Variants in LRIG3 observed in about 807,000 individuals in gnomAD.
LRIG3 encodes leucine-rich repeats and immunoglobulin-like domains protein 3.
In LRIG3, 76 loss-of-function variants were observed where a neutral mutation model predicts 114.5. That is an observed-to-expected ratio of 0.66 (90% CI 0.55 to 0.80). LRIG3 has a LOEUF of 0.80. Among genes scored for constraint, LRIG3 ranks in the 30% least tolerant of loss-of-function variants. The pLI is 0.00. For synonymous variants in LRIG3, 512 were observed against 519.8 expected (o/e 0.98, Z 0.20); for missense variants, 1,239 against 1,382.8 (o/e 0.90, Z 1.65).
At position 58,880,524 on chromosome 12, in the gene LRIG3, T is replaced by C. The variant is rs148745044; in HGVS notation, c.1801+57A>G. 2.6e-4 allele frequency: 396 copies of C among 1,530,424 alleles called. 1 individual carries two copies. The African/African-American group carries it at 4.8e-3, about 18-fold the overall frequency. 94.8% of individuals were successfully genotyped at this position (1,530,424 alleles called of 1,614,324 possible). On this transcript the variant is annotated intron_variant, in intron 13 of 18. Coordinates refer to ENST00000320743, the MANE Select transcript of LRIG3 (RefSeq NM_153377.5). The stretch of plus-strand genomic sequence containing the variant: ...GTTAAGATTAAGAGAGAAAAACAGG[T>C]GCTTTCTATTTCTAAAAGGTATCTT...
intron 11 of LRIG3, 42 bp downstream of exon 11, chr12:58,883,478 C>G (rs1871180062): frequency 7.0e-7 from 1 of 1,421,932 alleles, no homozygotes; most frequent in Admixed American, 1.8e-5. Flanking sequence ...ACAGTTTTCC[C>G]CTCTATACTT....
chr12:58,888,096 A>C (rs1211066780), intron 7 of LRIG3, among the ~76,000 whole-genome samples, 164 bp from the exon 8 acceptor site: 2 of 152,228 alleles, frequency 1.3e-5, no homozygotes, highest in Non-Finnish European at 2.9e-5. Flanking sequence ...TTAAAAAAAT[A>C]CGTTCTCTTT....
At chr12:58,892,290 C>T (rs951848321) in intron 3 of LRIG3, among the ~76,000 whole-genome samples, 2 of 152,110 alleles carry the variant, frequency 1.3e-5, no homozygotes, top group African/African-American at 2.4e-5. Context: ...CTCTTTACAA[C>T]GCGAGAAACA....
chr12:58,889,059 T>C (rs1871368431), intron 5 of LRIG3, 97 bp from the exon 6 acceptor site: 5 of 1,161,688 alleles, frequency 4.3e-6, no homozygotes, highest in Non-Finnish European at 6.0e-6. Context: ...AACCAGTCAG[T>C]GTTCAATTAC....
At chr12:58,919,898 G>C (rs1872606882) in intron 1 of LRIG3, 102 bp downstream of exon 1, 1 of 1,189,798 alleles carries the variant, frequency 8.4e-7, no homozygotes, top group Non-Finnish European at 1.2e-6. Context: ...GGAGCTATAC[G>C]GCAAAAAGGG....
intron 4 of LRIG3, 56 bp downstream of exon 4, chr12:58,890,609 T>C (rs1833341736): frequency 6.8e-7 from 1 of 1,466,262 alleles, no homozygotes; most frequent in South Asian, 1.4e-5. Context: ...TCTTATTTTT[T>C]CATTGTAATA....
At chr12:58,875,808 G>A (rs1870896364) in intron 16 of LRIG3, among the ~76,000 whole-genome samples, 1 of 152,250 alleles carries the variant, frequency 6.6e-6, no homozygotes, top group African/African-American at 2.4e-5. Flanking sequence ...GGGAGGCTGA[G>A]GCAGGCAGAT....
chr12:58,915,862 A>G (rs1446004916), intron 1 of LRIG3, among the ~76,000 whole-genome samples: 1 of 152,124 alleles, frequency 6.6e-6, no homozygotes, highest in Non-Finnish European at 1.5e-5. Flanking sequence ...ACAGTCACAG[A>G]TTTCCCACAT....
chr12:58,890,813 C>G lies in LRIG3; in HGVS notation c.384-17G>C. ...TTTCCAGCCCTAGAATTAAAAGAAA[C>G]CACAGTTAACAAGGTTAACGGTACA... On this transcript the variant is annotated splice_polypyrimidine_tract_variant and intron_variant, in intron 3 of 18. Transcript: ENST00000320743. The G allele has an allele frequency of 6.3e-7, 1 of 1,593,836 alleles. No homozygotes were observed. Among genetic ancestry groups the G allele is most frequent in the Non-Finnish European group, 8.5e-7 (1 of 1,173,054 alleles).
chr12:58,912,507 AG>A (rs1481527129), intron 3 of LRIG3, among the ~76,000 whole-genome samples: 1 of 152,040 alleles, frequency 6.6e-6, no homozygotes, highest in Non-Finnish European at 1.5e-5. Context: ...AAAAAAAAAA[AG>A]TATAAAACAC....
rs1255746855 is a variant in LRIG3 at position 58,872,667 on chromosome 12, T to A, written c.3265A>T (p.Thr1089Ser). The A allele has an allele frequency of 6.2e-7, 1 of 1,614,146 alleles. No individual in the cohort carries two copies. The highest frequency in any genetic ancestry group is 8.5e-7 in the Non-Finnish European group (1 of 1,179,996). ...ATGTGATTTTCTTCCTGAAAATCTG[T>A]CCTTTCTTTCCCATCTTCCTCTGAC... ...SGSEEDGKER[T>S]DFQEENHICT... Residue 1089 changes from threonine (T) to serine (S), a missense_variant, in exon 19 of 19, where the codon ACA becomes TCA. Coordinates refer to ENST00000320743, the MANE Select transcript of LRIG3 (RefSeq NM_153377.5).
Position 58,914,303 on chromosome 12 carries a change from C to T in LRIG3, c.270G>A (p.Lys90=), listed in dbSNP as rs1872397061. The stretch of plus-strand genomic sequence containing the variant: ...TTTGAAGGTGGCTCATGGAACTTGC[C>T]TTGATGAAAGATAATCTGTTGTGAC... ...DLSHNRLSFI[K]ASSMSHLQSL... Residue 90 remains lysine (K), a synonymous_variant, in exon 2 of 19, where the codon AAG becomes AAA. Coordinates refer to ENST00000320743, the MANE Select transcript of LRIG3 (RefSeq NM_153377.5). 1 of 1,613,912 alleles carries T rather than the reference C, an allele frequency of 6.2e-7. No individual in the cohort carries two copies.
At chr12:58,892,182 A>G (rs548609465) in intron 3 of LRIG3, among the ~76,000 whole-genome samples, 1 of 152,348 alleles carries the variant, frequency 6.6e-6, no homozygotes, top group East Asian at 1.9e-4. Context: ...CATAATTGTC[A>G]TATTAGATCA....
intron 14 of LRIG3, among the ~76,000 whole-genome samples, 185 bp downstream of exon 14, chr12:58,878,639 G>A (rs1406312465): frequency 6.6e-6 from 1 of 152,196 alleles, no homozygotes; most frequent in East Asian, 1.9e-4. Context: ...CCAGACTTGA[G>A]GATGTCATGC....
chr12:58,920,018 G>C lies in LRIG3; in HGVS notation c.218C>G (p.Pro73Arg). Residue 73 changes from proline (P) to arginine (R), a missense_variant, in exon 1 of 19, where the codon CCG becomes CGG. Physicochemically the swap from Pro to Arg is moderately radical, Grantham distance 103. Transcript: ENST00000320743. ...TACTTACAGCCGAGCGACCCAGGACGGGAGTGGCTCGGGAAGACGCGCTAG... is the reference window on the plus strand; with the variant it reads ...TACTTACAGCCGAGCGACCCAGGACCGGAGTGGCTCGGGAAGACGCGCTAG... ...KRLARLPEPL[P>R]SWVARLDLSH... 3 of 1,554,300 alleles carry C rather than the reference G, an allele frequency of 1.9e-6. No homozygotes were observed. The highest frequency in any genetic ancestry group is 1.2e-5 in the South Asian group (1 of 84,460).
chr12:58,888,200 T>C (rs1190594176), intron 7 of LRIG3, 129 bp downstream of exon 7: 2 of 1,130,240 alleles, frequency 1.8e-6, no homozygotes, highest in East Asian at 2.5e-5. Context: ...TAAGACTAGG[T>C]TGCATGTGAA....
In LRIG3 at chr12:58,872,460, T is replaced by G; in HGVS notation, c.*112A>C. The G allele has an allele frequency of 7.9e-7, 1 of 1,264,354 alleles. No homozygotes were observed. The highest frequency in any genetic ancestry group is 1.0e-6 in the Non-Finnish European group (1 of 962,532). The allele number at this position is 1,264,354 out of a possible 1,614,324, so 78.3% of individuals were successfully genotyped here. ...TGGTTCATCTGTATAAATAAAGCATTTTTATCCTTTTAAAATTCATAACTC... is the reference window on the plus strand; with the variant it reads ...TGGTTCATCTGTATAAATAAAGCATGTTTATCCTTTTAAAATTCATAACTC... On this transcript the variant is annotated 3_prime_UTR_variant, in exon 19 of 19. Transcript: ENST00000320743.
chr12:58,876,389 C>G (rs542536846), intron 16 of LRIG3, 56 bp downstream of exon 16: 1 of 1,566,312 alleles, frequency 6.4e-7, no homozygotes. Context: ...CATATCTGAG[C>G]CTTCCACCAT....
At chr12:58,876,726 T>C in intron 15 of LRIG3, 123 bp from the exon 16 acceptor site, 1 of 952,606 alleles carries the variant, frequency 1.0e-6, no homozygotes, top group Non-Finnish European at 1.6e-6. Context: ...AGATCTACTC[T>C]GGCAAAACCA....
Sources: allele counts gnomAD v4.1 joint callset (sites outside exome capture counted in the v4.1 genomes callset), GRCh38; gene constraint gnomAD v4.1.1; transcripts MANE v1.5; gene names NCBI Gene and HGNC (gene_info 2026-07-23, HGNC 2026-07-21).